ME3: variants seen among roughly 807,000 people sequenced by gnomAD.
ME3 encodes NADP-dependent malic enzyme, mitochondrial.
In ME3, 48 loss-of-function variants were observed where a neutral mutation model predicts 68.9. The observed-to-expected ratio is 0.70, with a 90% CI of 0.55 to 0.89. ME3 has a LOEUF of 0.89. ME3 is among the 40% of genes least tolerant of loss of function. The probability of loss-of-function intolerance (pLI) is 0.00; values close to 1 mark genes in which losing one functional copy is unlikely to be tolerated. For synonymous variants in ME3, 320 were observed against 318.8 expected, an observed-to-expected ratio of 1.00 and a Z score of -0.04; for missense variants, 675 against 797.4, an observed-to-expected ratio of 0.85 and a Z score of 1.85.
chr11:86,571,258 G>A (rs991979896), intron 2 of ME3, among the ~76,000 whole-genome samples: 1 of 152,166 alleles, frequency 6.6e-6, no homozygotes. Context: ...TGGATGGATG[G>A]ATTCATTCAT....
At chr11:86,483,392 A>G (rs1038616514) in intron 7 of ME3, among the ~76,000 whole-genome samples, 1 of 152,226 alleles carries the variant, frequency 6.6e-6, no homozygotes, top group Non-Finnish European at 1.5e-5. Context: ...AACTGGCTCC[A>G]GATATCAGAG....
intron 4 of ME3, among the ~76,000 whole-genome samples, chr11:86,511,268 C>T (rs943703522): frequency 5.3e-5 from 8 of 152,200 alleles, no homozygotes; most frequent in African/African-American, 1.4e-4. Flanking sequence ...AGAATAAAGA[C>T]CAAAGTCCTC....
intron 2 of ME3, among the ~76,000 whole-genome samples, chr11:86,641,991 G>A (rs1944700586): frequency 6.6e-6 from 1 of 151,976 alleles, no homozygotes; most frequent in Non-Finnish European, 1.5e-5. Flanking sequence ...TTATTCCCCA[G>A]GAATCATGGT....
intron 2 of ME3, among the ~76,000 whole-genome samples, chr11:86,626,391 CT>C (rs1943665942): frequency 6.6e-6 from 1 of 152,224 alleles, no homozygotes; most frequent in Non-Finnish European, 1.5e-5. Context: ...GTGGCAACAG[CT>C]CAGTGTAGTG....
At chr11:86,629,778 A>G (rs559743875) in intron 2 of ME3, among the ~76,000 whole-genome samples, 86 of 152,130 alleles carry the variant, frequency 5.7e-4, no homozygotes, top group Non-Finnish European at 1.0e-3. Context: ...AGCTTACAGA[A>G]CTTACCCTGC....
intron 4 of ME3, among the ~76,000 whole-genome samples, chr11:86,538,629 T>C (rs1240254430): frequency 6.6e-6 from 1 of 152,164 alleles, no homozygotes; most frequent in African/African-American, 2.4e-5. Flanking sequence ...TTTCCATCTC[T>C]CATTTCCACA....
At chr11:86,445,062 G>T (rs563219671) in intron 13 of ME3, among the ~76,000 whole-genome samples, 12 of 152,340 alleles carry the variant, frequency 7.9e-5, no homozygotes, top group African/African-American at 2.9e-4. Context: ...TGTAGCAATT[G>T]TGTTTTTACT....
At chr11:86,594,748 C>T (rs905725677) in intron 2 of ME3, among the ~76,000 whole-genome samples, 3 of 146,488 alleles carry the variant, frequency 2.0e-5, no homozygotes, top group African/African-American at 7.5e-5. Context: ...TGTGAAATTT[C>T]AAAAGATTTT....
At chr11:86,657,755 T>A (rs968039905) in intron 2 of ME3, among the ~76,000 whole-genome samples, 3 of 152,208 alleles carry the variant, frequency 2.0e-5, no homozygotes, top group Non-Finnish European at 4.4e-5. Context: ...CTTTATAATG[T>A]TGTTCGTTCA....
At chr11:86,642,980 T>A (rs935576156) in intron 2 of ME3, among the ~76,000 whole-genome samples, 1 of 146,508 alleles carries the variant, frequency 6.8e-6, no homozygotes, top group Admixed American at 7.0e-5. Context: ...TGGATAAATA[T>A]AAGGTTTCTA....
intron 2 of ME3, among the ~76,000 whole-genome samples, chr11:86,565,476 C>A (rs912572441): frequency 6.6e-6 from 1 of 152,094 alleles, no homozygotes; most frequent in African/African-American, 2.4e-5. Flanking sequence ...TGGAAATAAC[C>A]CAGGTGTTCA....
chr11:86,578,045 A>G (rs1020214550), intron 2 of ME3, among the ~76,000 whole-genome samples: 3 of 152,212 alleles, frequency 2.0e-5, no homozygotes, highest in African/African-American at 7.2e-5. Flanking sequence ...GAAATTTCAT[A>G]TCTGCTCCTG....
chr11:86,604,761 G>A (rs1594635832), intron 2 of ME3, among the ~76,000 whole-genome samples: 1 of 152,164 alleles, frequency 6.6e-6, no homozygotes, highest in African/African-American at 2.4e-5. Context: ...AGTTTGAGTA[G>A]ACAAACTTCT....
intron 2 of ME3, among the ~76,000 whole-genome samples, chr11:86,607,833 G>A (rs529538124): frequency 1.6e-3 from 238 of 151,924 alleles, no homozygotes; most frequent in African/African-American, 5.4e-3. Context: ...CCTACTCCCC[G>A]TTCGACATGA....
At chr11:86,485,042 C>T (rs1334597911) in intron 7 of ME3, among the ~76,000 whole-genome samples, 2 of 152,296 alleles carry the variant, frequency 1.3e-5, no homozygotes, top group East Asian at 3.9e-4. Context: ...GCAACCTATC[C>T]TTGAACTCTT....
intron 4 of ME3, among the ~76,000 whole-genome samples, chr11:86,525,434 G>A (rs992526864): frequency 6.6e-6 from 1 of 151,232 alleles, no homozygotes. Flanking sequence ...GCAGTAGTGA[G>A]TCCTTACTTA....
intron 2 of ME3, among the ~76,000 whole-genome samples, chr11:86,641,023 C>G (rs1320038790): frequency 1.0e-5 from 1 of 99,552 alleles, no homozygotes; most frequent in Non-Finnish European, 2.5e-5. Context: ...ATATAACCTG[C>G]TCTCAATTTC....
chr11:86,650,433 G>C (rs1267144026), intron 2 of ME3, among the ~76,000 whole-genome samples: 2 of 152,148 alleles, frequency 1.3e-5, no homozygotes, highest in East Asian at 3.8e-4. Context: ...AAAAGCAATG[G>C]CAACAGAAGC....
intron 7 of ME3, among the ~76,000 whole-genome samples, chr11:86,468,399 T>TCATC (rs886760598): frequency 1.8e-4 from 28 of 151,924 alleles, no homozygotes; most frequent in Admixed American, 1.4e-3. Context: ...CATCCATTCA[T>TCATC]CATCCATCCA....
Sources: allele counts gnomAD v4.1 joint callset (sites outside exome capture counted in the v4.1 genomes callset), GRCh38; gene constraint gnomAD v4.1.1; transcripts MANE v1.5; gene names NCBI Gene and HGNC (gene_info 2026-07-23, HGNC 2026-07-21).